The following YWHAE variants were observed in gnomAD, a reference collection of about 807,000 sequenced individuals.
The protein encoded by YWHAE is tyrosine 3-monooxygenase/tryptophan 5-monooxygenase activation protein epsilon.
YWHAE carries 4 observed loss-of-function variants against 30.1 expected under a neutral mutation model. That is an observed-to-expected ratio of 0.13 (90% CI 0.07 to 0.30). The LOEUF (loss-of-function observed/expected upper bound fraction) is 0.30. Ranked by LOEUF, YWHAE falls within the 10% of genes least tolerant of loss-of-function variation. YWHAE has a pLI of 1.00. For synonymous variants in YWHAE, 118 were observed against 111.8 expected, an observed-to-expected ratio of 1.06 and a Z score of -0.35; for missense variants, 121 against 315.9, an observed-to-expected ratio of 0.38 and a Z score of 4.68.
intron 5 of YWHAE, among the ~76,000 whole-genome samples, chr17:1,351,233 G>C (rs1457259748): frequency 6.6e-6 from 1 of 151,820 alleles, no homozygotes; most frequent in Non-Finnish European, 1.5e-5. Flanking sequence ...GGTGGTGGCA[G>C]ACACCTGTAG....
At chr17:1,358,972 T>TA (rs1209023072) in intron 4 of YWHAE, among the ~76,000 whole-genome samples, 2 of 149,084 alleles carry the variant, frequency 1.3e-5, no homozygotes, top group Non-Finnish European at 3.0e-5. Context: ...CCATCCCTAC[T>TA]AAAAATACAA....
At chr17:1,348,958 G>A (rs1159086316) in intron 5 of YWHAE, among the ~76,000 whole-genome samples, 3 of 151,808 alleles carry the variant, frequency 2.0e-5, no homozygotes, top group African/African-American at 4.8e-5. Context: ...CCCGGGAGGC[G>A]GAGTTTGCAG....
At chr17:1,372,944 A>G (rs530499772) in intron 1 of YWHAE, among the ~76,000 whole-genome samples, 1 of 152,004 alleles carries the variant, frequency 6.6e-6, no homozygotes, top group African/African-American at 2.4e-5. Flanking sequence ...TCCAAAAATT[A>G]ATAGTAAAAG....
intron 1 of YWHAE, among the ~76,000 whole-genome samples, chr17:1,369,015 T>C (rs1031351517): frequency 6.6e-6 from 1 of 152,244 alleles, no homozygotes; most frequent in Non-Finnish European, 1.5e-5. Flanking sequence ...AGTATTTTTA[T>C]AATGCAAAGA....
At chr17:1,354,485 C>CTT in intron 4 of YWHAE, 138 bp from the exon 5 acceptor site, 1 of 872,908 alleles carries the variant, frequency 1.1e-6, no homozygotes, top group East Asian at 2.7e-5. Context: ...AAAGCAAATA[C>CTT]AATAAAAATT....
intron 1 of YWHAE, among the ~76,000 whole-genome samples, chr17:1,381,209 C>G (rs1484574455): frequency 3.9e-5 from 6 of 152,136 alleles, no homozygotes; most frequent in African/African-American, 1.4e-4. Context: ...GAAACCCCAC[C>G]TCCACTAAAA....
chr17:1,384,329 C>T (rs4790346), intron 1 of YWHAE, among the ~76,000 whole-genome samples: 78,184 of 142,264 alleles, frequency 0.55, 22,355 homozygotes, highest in African/African-American at 0.79. Flanking sequence ...TGAGGTGTGT[C>T]TGCTACTGCA....
chr17:1,358,807 C>G (rs1306421900), intron 4 of YWHAE, among the ~76,000 whole-genome samples: 2 of 135,150 alleles, frequency 1.5e-5, no homozygotes, highest in East Asian at 2.2e-4. Flanking sequence ...TCCAGCCTGG[C>G]CAGCAGAGCG....
chr17:1,391,657 G>A (rs1416446480), intron 1 of YWHAE, among the ~76,000 whole-genome samples: 1 of 152,092 alleles, frequency 6.6e-6, no homozygotes. Context: ...CAACCAATTC[G>A]TCAATTTGGA....
chr17:1,394,237 T>C (rs1197462809), intron 1 of YWHAE, among the ~76,000 whole-genome samples: 2 of 152,194 alleles, frequency 1.3e-5, no homozygotes, highest in Admixed American at 6.5e-5. Context: ...ACGCTCTACC[T>C]GCTTCAATCT....
Position 1,364,960 on chromosome 17 carries a change from C to T in YWHAE, c.163G>A (p.Ala55Thr). The change falls in exon 2 of 6, where the codon GCT becomes ACT. Residue 55 changes from alanine to threonine, a missense_variant. Around this residue, in one of 2 missense-constraint regions of YWHAE, gnomAD observed 99 missense variants for 289.3 expected, o/e 0.34. Coordinates refer to ENST00000264335, the MANE Select transcript of YWHAE (RefSeq NM_006761.5). Reference sequence around the variant, plus strand: ...ATTATTCTCCAGGAGGCTCTTCTAGCTCCAATCACATTCTTATATGCAACA... The same window carrying T: ...ATTATTCTCCAGGAGGCTCTTCTAGTTCCAATCACATTCTTATATGCAACA... ...LSVAYKNVIGARRASWRIISS... is the reference protein window; with the variant it reads ...LSVAYKNVIGTRRASWRIISS... The T allele has an allele frequency of 6.2e-7, 1 of 1,614,148 alleles. No individual in the cohort carries two copies. Among genetic ancestry groups the T allele is most frequent in the South Asian group, 1.1e-5 (1 of 91,084 alleles).
At chr17:1,359,141 A>C (rs1266168268) in intron 4 of YWHAE, among the ~76,000 whole-genome samples, 1 of 151,904 alleles carries the variant, frequency 6.6e-6, no homozygotes, top group East Asian at 1.9e-4. Flanking sequence ...CCCTCAAAAA[A>C]AAGAAAAAAG....
intron 1 of YWHAE, among the ~76,000 whole-genome samples, chr17:1,371,839 C>CTT (rs368590864): frequency 0.1 from 14,118 of 138,462 alleles, 987 homozygotes; most frequent in Admixed American, 0.23. Context: ...TGACCCTGTA[C>CTT]TTTTTTTTTT....
intron 1 of YWHAE, among the ~76,000 whole-genome samples, chr17:1,395,895 G>C (rs2073464003): frequency 6.6e-6 from 1 of 152,332 alleles, no homozygotes; most frequent in African/African-American, 2.4e-5. Flanking sequence ...GAGGCGGGCG[G>C]ATCACCTGAG....
At chr17:1,364,695 T>C (rs1257970799) in intron 2 of YWHAE, 164 bp downstream of exon 2, 1 of 907,914 alleles carries the variant, frequency 1.1e-6, no homozygotes, top group African/African-American at 1.7e-5. Flanking sequence ...CACGGGTAAG[T>C]TTAACTTATA....
intron 1 of YWHAE, chr17:1,399,302 T>TC (rs1237748862): frequency 6.6e-6 from 1 of 151,912 alleles, no homozygotes; most frequent in Non-Finnish European, 1.5e-5. Flanking sequence ...TTTCTGGGCC[T>TC]CCCCAGAAGA....
At chr17:1,371,951 GCCT>G (rs1157153065) in intron 1 of YWHAE, among the ~76,000 whole-genome samples, 1 of 150,528 alleles carries the variant, frequency 6.6e-6, no homozygotes, top group African/African-American at 2.5e-5. Context: ...CGATTCTCCT[GCCT>G]CAACTTCCCG....
rs1037783925 is a variant in YWHAE, at chr17:1,395,611, T to C, written c.64+4436A>G. Among the ~76,000 whole-genome samples, 10 of 152,302 alleles carry C rather than the reference T, an allele frequency of 6.6e-5. No individual in the cohort carries two copies. The East Asian group carries it at 9.6e-4, about 15-fold the overall frequency. ...AACTTTACTCCAGAAAGTTAGTCCA[T>C]TAACTGAAACGGCAATGGAAAATTA... On this transcript the variant is annotated intron_variant, in intron 1 of 5. Coordinates refer to ENST00000264335, the MANE Select transcript of YWHAE (RefSeq NM_006761.5).
In YWHAE at chr17:1,364,837, G is replaced by T. The variant is rs775579326; in HGVS notation, c.264+22C>A. On this transcript the variant is annotated intron_variant, in intron 2 of 5. Coordinates refer to ENST00000264335, the MANE Select transcript of YWHAE (RefSeq NM_006761.5). The stretch of plus-strand genomic sequence containing the variant: ...GTAACTCAAACTGTGGATAAGGGGG[G>T]ATGATGGCACAACAATCTCACCATT... 1.9e-6 allele frequency: 3 copies of T among 1,613,866 alleles called. No individual in the cohort carries two copies. The South Asian group carries it at 3.3e-5, about 18-fold the overall frequency.
Sources: gnomAD v4.1 joint callset for allele counts (sites outside exome capture counted in the v4.1 genomes callset) on GRCh38, gnomAD v4.1.1 for gene constraint, gnomAD v4.1.1 regional missense constraint, MANE v1.5 for transcripts, NCBI Gene and HGNC (gene_info 2026-07-23, HGNC 2026-07-21) for gene names.